Variants in TAL1 observed in about 807,000 individuals in gnomAD.
The protein encoded by TAL1 is T-cell acute lymphocytic leukemia protein 1.
TAL1 carries 8 observed loss-of-function variants against 17.9 expected under a neutral mutation model. The observed-to-expected ratio is 0.45, with a 90% CI of 0.26 to 0.81. The LOEUF (loss-of-function observed/expected upper bound fraction) is 0.81. TAL1 is among the 30% of genes least tolerant of loss of function. TAL1 has a pLI of 0.17. For missense variants in TAL1, 466 were observed against 486.9 expected (o/e 0.96, Z 0.40); for synonymous variants, 223 against 218.6 (o/e 1.02, Z -0.18).
At chr1:47,226,046 C>T (rs1396646165) in intron 1 of TAL1, 157 bp from the exon 3 acceptor site, 2 of 150,890 alleles carry the variant, frequency 1.3e-5, no homozygotes, top group Non-Finnish European at 2.5e-5. Context: ...GGGGCTAGGG[C>T]GGGAGGCCGG....
exon 4 of TAL1, chr1:47,219,859 G>C (rs750834196): frequency 6.3e-7 from 1 of 1,596,020 alleles, no homozygotes; most frequent in Non-Finnish European, 8.6e-7. Flanking sequence ...GGAGTTGGGG[G>C]AAAGCACGTC....
intron 1 of TAL1, among the ~76,000 whole-genome samples, chr1:47,226,528 A>C (rs547247675): frequency 6.6e-6 from 1 of 150,546 alleles, no homozygotes; most frequent in Admixed American, 6.6e-5. Flanking sequence ...AGCTCCCTCC[A>C]CACACACACA....
intron 1 of TAL1, among the ~76,000 whole-genome samples, chr1:47,226,534 A>ACACACACG (rs1321507063): frequency 6.6e-6 from 1 of 152,168 alleles, no homozygotes; most frequent in African/African-American, 2.4e-5. Flanking sequence ...CTCCACACAC[A>ACACACACG]CACACACACA....
chr1:47,231,250 C>T (rs1644008320), upstream of TAL1: 2 of 186,820 alleles, frequency 1.1e-5, no homozygotes, highest in South Asian at 2.0e-4. Flanking sequence ...AAGCCAACAA[C>T]TGGCTCCCGA....
upstream of TAL1, among the ~76,000 whole-genome samples, chr1:47,231,438 C>A (rs916690556): frequency 6.6e-6 from 1 of 151,606 alleles, no homozygotes; most frequent in African/African-American, 2.4e-5. Context: ...CAGGACCACA[C>A]AGGGTCCAGC....
rs913339957 is a variant in TAL1 at position 47,223,924 on chromosome 1, G to A, written c.541+80C>T. The A allele has an allele frequency of 2.2e-6, 3 of 1,357,600 alleles. No homozygotes were observed. The Admixed American group carries it at 5.1e-5, about 23-fold the overall frequency. 84.1% of individuals were successfully genotyped at this position (1,357,600 alleles called of 1,614,324 possible). On this transcript the variant is annotated intron_variant, in intron 3 of 3. Transcript: ENST00000294339. ...CCCATCTTTGTGAGATACCTACGGA[G>A]TAGTCCCAGATGTTCCCTCCTCCAG...
At chr1:47,228,158 A>G (rs1287738749) in intron 1 of TAL1, 1 of 162,972 alleles carries the variant, frequency 6.1e-6, no homozygotes, top group Non-Finnish European at 1.3e-5. Flanking sequence ...GTTCCTTGTA[A>G]GAAATATATG....
At chr1:47,216,917 G>GA (rs1645506726) in exon 4 of TAL1, 1 of 232,060 alleles carries the variant, frequency 4.3e-6, no homozygotes, top group African/African-American at 2.2e-5. Context: ...TACAGAGGGT[G>GA]AAAATAAAAA....
chr1:47,219,834 G>C, exon 4 of TAL1: 1 of 1,602,634 alleles, frequency 6.2e-7, no homozygotes, highest in South Asian at 1.1e-5. Context: ...CCCCATCCAG[G>C]GAGCTGCCGC....
chr1:47,225,622 G>T, exon 2 of TAL1: 1 of 1,382,292 alleles, frequency 7.2e-7, no homozygotes, highest in Middle Eastern at 2.6e-4. Flanking sequence ...GCTCGGTGGT[G>T]GGCACCCGAT....
chr1:47,231,908 C>A (rs751380506), upstream of TAL1, among the ~76,000 whole-genome samples: 1 of 152,112 alleles, frequency 6.6e-6, no homozygotes. Context: ...ACCACAGCCT[C>A]GCGCATTTCT....
chr1:47,231,221 G>C (rs558438999), upstream of TAL1: 2 of 182,094 alleles, frequency 1.1e-5, no homozygotes, highest in Non-Finnish European at 2.3e-5. Flanking sequence ...GCCGCCGACC[G>C]GGCGCTGTCC....
At chr1:47,217,461 C>T (rs537035940) in exon 4 of TAL1, 8 of 398,150 alleles carry the variant, frequency 2.0e-5, no homozygotes, top group Non-Finnish European at 3.5e-5. Flanking sequence ...CAGGCCAAAG[C>T]GGTTTACAAT....
chr1:47,225,637 C>T lies in TAL1; in HGVS notation c.252G>A (p.Ala84=), dbSNP rs916146154. Residue 84 remains alanine, a synonymous_variant, in exon 2 of 4, where the codon GCG becomes GCA. Coordinates refer to ENST00000294339, the Ensembl canonical transcript of TAL1. The stretch of plus-strand genomic sequence containing the variant: ...GCTCGGTGGTGGGCACCCGATGGCG[C>T]GCTTCGGCCGTCGCCGCGTCGCGGC... 3.0e-5 allele frequency: 41 copies of T among 1,383,932 alleles called. No individual in the cohort carries two copies. In the African/African-American group the frequency reaches 4.9e-4, roughly 17 times the overall value. The allele number at this position is 1,383,932 out of a possible 1,614,324, so 85.7% of individuals were successfully genotyped here. A position where few individuals can be genotyped will look rare whatever the true frequency, so the allele number is the denominator to read the frequency against.
At chr1:47,219,512 G>A (rs1335607457) in exon 4 of TAL1, 6 of 790,644 alleles carry the variant, frequency 7.6e-6, no homozygotes, top group Non-Finnish European at 1.3e-5. Flanking sequence ...CTACCACTTT[G>A]CTCCATTTTT....
chr1:47,224,016 C>G, exon 3 of TAL1: 1 of 1,613,862 alleles, frequency 6.2e-7, no homozygotes, highest in Non-Finnish European at 8.5e-7. Context: ...TCAGTAATCT[C>G]CATCTCATAG....
At chr1:47,226,004 G>C in intron 1 of TAL1, 115 bp from the exon 3 acceptor site, 2 of 1,063,494 alleles carry the variant, frequency 1.9e-6, no homozygotes. Flanking sequence ...GCACCGAGAC[G>C]TGAGAAGAGG....
intron 3 of TAL1, 113 bp from the exon 5 acceptor site, chr1:47,220,287 T>C: frequency 7.3e-7 from 1 of 1,376,560 alleles, no homozygotes; most frequent in Non-Finnish European, 9.4e-7. Flanking sequence ...TCCTTTTACT[T>C]AGAAAACATC....
exon 4 of TAL1, chr1:47,217,534 G>C: frequency 2.5e-6 from 1 of 398,610 alleles, no homozygotes; most frequent in Non-Finnish European, 4.4e-6. Context: ...GTGGACTCAG[G>C]CTGCGAAACC....
Sources: gnomAD v4.1 joint callset for allele counts (sites outside exome capture counted in the v4.1 genomes callset) on GRCh38, gnomAD v4.1.1 for gene constraint, MANE v1.5 for transcripts, NCBI Gene and HGNC (gene_info 2026-07-23, HGNC 2026-07-21) for gene names.